Variants in PAWR observed in about 807,000 individuals in gnomAD.
PAWR encodes the protein PRKC apoptosis WT1 regulator protein.
A neutral mutation model predicts 32.0 loss-of-function variants in PAWR; 23 were observed. The observed-to-expected ratio is 0.72, with a 90% CI of 0.52 to 1.02. PAWR has a LOEUF of 1.02. Among genes scored for constraint, PAWR ranks in the 50% least tolerant of loss-of-function variants. PAWR has a pLI of 0.00. For missense variants in PAWR, 457 were observed against 437.7 expected (o/e 1.04, Z -0.39); for synonymous variants, 226 against 187.1 (o/e 1.21, Z -1.70).
intron 2 of PAWR, among the ~76,000 whole-genome samples, chr12:79,660,212 A>C (rs1877283240): frequency 6.6e-6 from 1 of 152,192 alleles, no homozygotes; most frequent in Non-Finnish European, 1.5e-5. Flanking sequence ...AAGAGTAGCC[A>C]AGGAAAATGA....
At chr12:79,632,361 A>ATTTTTTT (rs755937992) in intron 2 of PAWR, among the ~76,000 whole-genome samples, 1 of 20,606 alleles carries the variant, frequency 4.9e-5, no homozygotes, top group African/African-American at 3.0e-4. Flanking sequence ...ATATATATAT[A>ATTTTTTT]TTTTTTTTTT....
chr12:79,613,614 A>C lies in PAWR; in HGVS notation c.649-5T>G. 6.6e-7 allele frequency: 1 copy of C among 1,519,016 alleles called. No homozygotes were observed. 94.1% of individuals were successfully genotyped at this position (1,519,016 alleles called of 1,614,324 possible). A position where few individuals can be genotyped will look rare whatever the true frequency, so the allele number is the denominator to read the frequency against. On this transcript the variant is annotated splice_polypyrimidine_tract_variant and splice_region_variant and intron_variant, in intron 3 of 6. Transcript: ENST00000328827. Reference sequence around the variant, plus strand: ...TGAAACTGTTCTAGGTGGCTCCTGCAAAGTAAAAATAATTATGTATCAGTT... The same window carrying C: ...TGAAACTGTTCTAGGTGGCTCCTGCCAAGTAAAAATAATTATGTATCAGTT...
intron 2 of PAWR, among the ~76,000 whole-genome samples, chr12:79,628,182 C>G (rs1481892593): frequency 1.3e-5 from 2 of 152,136 alleles, no homozygotes; most frequent in Non-Finnish European, 2.9e-5. Context: ...TACATGGAAA[C>G]TGAACAACCT....
intron 3 of PAWR, among the ~76,000 whole-genome samples, chr12:79,618,881 T>C (rs1405258165): frequency 6.6e-6 from 1 of 151,894 alleles, no homozygotes; most frequent in East Asian, 1.9e-4. Context: ...GGCACTTTAA[T>C]AATTACTACT....
chr12:79,646,717 C>A (rs570332040), intron 2 of PAWR, among the ~76,000 whole-genome samples: 1 of 151,884 alleles, frequency 6.6e-6, no homozygotes, highest in Non-Finnish European at 1.5e-5. Flanking sequence ...ATGCCTGAAG[C>A]GGTAAATAGA....
At chr12:79,664,294 T>C (rs541705310) in intron 2 of PAWR, among the ~76,000 whole-genome samples, 103 of 152,112 alleles carry the variant, frequency 6.8e-4, no homozygotes, top group African/African-American at 2.5e-3. Context: ...ATGATCGGAG[T>C]GATCCTCTTC....
chr12:79,690,525 G>C, intron 1 of PAWR, 134 bp from the exon 2 acceptor site: 1 of 387,616 alleles, frequency 2.6e-6, no homozygotes, highest in Non-Finnish European at 4.4e-6. Context: ...CAGCCGCCGG[G>C]TCCCCACCCT....
intron 2 of PAWR, among the ~76,000 whole-genome samples, chr12:79,646,271 A>C (rs2136785340): frequency 6.6e-6 from 1 of 152,300 alleles, no homozygotes; most frequent in South Asian, 2.1e-4. Flanking sequence ...TAGTAGTAGT[A>C]CTAAGGACAC....
intron 2 of PAWR, among the ~76,000 whole-genome samples, chr12:79,656,154 C>T (rs1488151530): frequency 1.3e-5 from 2 of 152,136 alleles, no homozygotes; most frequent in East Asian, 1.9e-4. Flanking sequence ...GGAGCAAAGA[C>T]GAAAACACGA....
chr12:79,607,741 A>T (rs7978971), intron 4 of PAWR, among the ~76,000 whole-genome samples: 26 of 145,942 alleles, frequency 1.8e-4, no homozygotes, highest in South Asian at 2.2e-4. Context: ...AAAAAAAAAA[A>T]AAAATAATAA....
chr12:79,620,974 A>G (rs1874976115), intron 3 of PAWR, 102 bp downstream of exon 3: 1 of 815,414 alleles, frequency 1.2e-6, no homozygotes, highest in Non-Finnish European at 1.9e-6. Context: ...GTAGGAGGAA[A>G]GGAGGCAATG....
chr12:79,636,662 GCT>G (rs1475552840), intron 2 of PAWR, among the ~76,000 whole-genome samples: 1 of 151,932 alleles, frequency 6.6e-6, no homozygotes, highest in Non-Finnish European at 1.5e-5. Flanking sequence ...TTTCCCATTT[GCT>G]CTTTCTCATA....
chr12:79,613,693 C>T (rs1184479467), intron 3 of PAWR, 84 bp from the exon 4 acceptor site: 2 of 658,064 alleles, frequency 3.0e-6, no homozygotes, highest in East Asian at 5.8e-5. Flanking sequence ...TAGAGAATAC[C>T]TAATTTTAAA....
chr12:79,681,140 AGGGGT>A (rs1878424789), intron 2 of PAWR, among the ~76,000 whole-genome samples: 1 of 744 alleles, frequency 1.3e-3, no homozygotes, highest in African/African-American at 5.1e-3. Flanking sequence ...AGGGGAGGGG[AGGGGT>A]GGGGAGGGGA....
chr12:79,606,467 A>G (rs1874186535), intron 4 of PAWR, among the ~76,000 whole-genome samples: 1 of 152,220 alleles, frequency 6.6e-6, no homozygotes, highest in African/African-American at 2.4e-5. Context: ...CTTTCATTAT[A>G]ATGAAGAAAC....
chr12:79,684,601 G>T (rs1592559455), intron 2 of PAWR, among the ~76,000 whole-genome samples: 1 of 150,772 alleles, frequency 6.6e-6, no homozygotes, highest in Admixed American at 6.6e-5. Context: ...CTGGGCAACA[G>T]AGCAAGACTC....
intron 2 of PAWR, among the ~76,000 whole-genome samples, chr12:79,689,113 C>A (rs896538377): frequency 3.9e-5 from 6 of 152,118 alleles, no homozygotes; most frequent in Admixed American, 3.3e-4. Context: ...CTAAATCATC[C>A]CTATTGTCCT....
chr12:79,669,129 A>C (rs186997090), intron 2 of PAWR, among the ~76,000 whole-genome samples: 1 of 152,374 alleles, frequency 6.6e-6, no homozygotes, highest in Admixed American at 6.5e-5. Flanking sequence ...GATATTTAAA[A>C]AATAGCCCTA....
intron 2 of PAWR, among the ~76,000 whole-genome samples, chr12:79,630,313 ATATT>A (rs1875551759): frequency 3.1e-5 from 4 of 129,516 alleles, no homozygotes; most frequent in East Asian, 2.1e-4. Context: ...ATATATATAT[ATATT>A]TTTTTTGAGA....
Sources: allele counts gnomAD v4.1 joint callset (sites outside exome capture counted in the v4.1 genomes callset), GRCh38; gene constraint gnomAD v4.1.1; transcripts MANE v1.5; gene names NCBI Gene and HGNC (gene_info 2026-07-23, HGNC 2026-07-21).